GLYATL3: variants seen among roughly 807,000 people sequenced by gnomAD.
GLYATL3 encodes glycine N-acyltransferase-like protein 3.
In GLYATL3, 31 loss-of-function variants were observed where a neutral mutation model predicts 28.5. The ratio of observed to expected loss-of-function variants is 1.09; its 90% CI spans 0.82 to 1.47. The LOEUF (loss-of-function observed/expected upper bound fraction) is 1.47. GLYATL3 is among the 40% of genes most tolerant of loss of function. The pLI is 0.00. For synonymous variants in GLYATL3, 141 were observed against 140.2 expected, an observed-to-expected ratio of 1.01 and a Z score of -0.04; for missense variants, 369 against 351.5, an observed-to-expected ratio of 1.05 and a Z score of -0.40.
At chr6:49,501,798 A>G (rs1404772034) in intron 1 of GLYATL3, among the ~76,000 whole-genome samples, 2 of 152,212 alleles carry the variant, frequency 1.3e-5, no homozygotes, top group Non-Finnish European at 2.9e-5. Flanking sequence ...CTGTGGCAAG[A>G]TGAGCGTGTT....
chr6:49,500,201 G>A (rs561531941), intron 1 of GLYATL3, among the ~76,000 whole-genome samples, 159 bp downstream of exon 1: 34 of 152,112 alleles, frequency 2.2e-4, no homozygotes, highest in East Asian at 1.5e-3. Flanking sequence ...GTTTCTTGGC[G>A]TGTTTTTGTT....
chr6:49,524,498 AGTTTT>A (rs1769368212), intron 5 of GLYATL3, among the ~76,000 whole-genome samples: 1 of 152,170 alleles, frequency 6.6e-6, no homozygotes, highest in Non-Finnish European at 1.5e-5. Context: ...AATCCATTTC[AGTTTT>A]GAGAAATTGC....
intron 1 of GLYATL3, among the ~76,000 whole-genome samples, chr6:49,511,628 C>T (rs1769124187): frequency 6.6e-6 from 1 of 152,178 alleles, no homozygotes; most frequent in Non-Finnish European, 1.5e-5. Context: ...TTATAGGTTA[C>T]TCAGGATGGA....
At chr6:49,517,096 C>T (rs1242881331) in intron 3 of GLYATL3, among the ~76,000 whole-genome samples, 12 of 149,054 alleles carry the variant, frequency 8.1e-5, no homozygotes, top group African/African-American at 2.5e-4. Context: ...CTGCAATCTC[C>T]GCCTCCCCAG....
At chr6:49,508,245 G>A (rs558750353) in intron 1 of GLYATL3, among the ~76,000 whole-genome samples, 14 of 152,164 alleles carry the variant, frequency 9.2e-5, no homozygotes, top group Admixed American at 3.3e-4. Context: ...GCACTGAGCC[G>A]AGATCGCACC....
chr6:49,502,249 C>T (rs1303505544), intron 1 of GLYATL3, among the ~76,000 whole-genome samples: 1 of 152,112 alleles, frequency 6.6e-6, no homozygotes, highest in African/African-American at 2.4e-5. Context: ...ACAAATTATA[C>T]ATAGAACAAA....
At chr6:49,519,335 C>T (rs1769275793) in intron 4 of GLYATL3, among the ~76,000 whole-genome samples, 2 of 152,162 alleles carry the variant, frequency 1.3e-5, no homozygotes, top group African/African-American at 4.8e-5. Flanking sequence ...TTGGTGGGGA[C>T]AAATGTGAAT....
At chr6:49,524,351 C>T (rs934242798) in intron 5 of GLYATL3, among the ~76,000 whole-genome samples, 2 of 152,132 alleles carry the variant, frequency 1.3e-5, no homozygotes, top group Non-Finnish European at 2.9e-5. Context: ...AAAGAAAACA[C>T]AAATTTTTAC....
chr6:49,526,492 G>A lies in GLYATL3; in HGVS notation c.445G>A (p.Gly149Arg). 1 of 1,551,046 alleles carries A rather than the reference G, an allele frequency of 6.4e-7. No homozygotes were observed. Among genetic ancestry groups the A allele is most frequent in the Non-Finnish European group, 8.7e-7 (1 of 1,146,566 alleles). ...SSLPDTSFLK[G>R]PSPRLTYLSV... ...TTTTGTGTCATTCTGGTCTAGCAAG[G>A]GGCCTTCCCCACGACTAACCTACCT... Residue 149 changes from glycine to arginine, a missense_variant, in exon 6 of 6, where the codon GGG becomes AGG. Gly to Arg is a moderately radical substitution (Grantham distance 125). Coordinates refer to ENST00000371197, the MANE Select transcript of GLYATL3 (RefSeq NM_001010904.2).
chr6:49,509,971 T>A (rs1196029611), intron 1 of GLYATL3, among the ~76,000 whole-genome samples: 1 of 147,906 alleles, frequency 6.8e-6, no homozygotes, highest in Non-Finnish European at 1.5e-5. Context: ...TCTTTCTTTC[T>A]TTCTTTCTTT....
intron 1 of GLYATL3, among the ~76,000 whole-genome samples, chr6:49,501,211 C>T (rs967798955): frequency 1.3e-5 from 2 of 151,966 alleles, no homozygotes. Context: ...ATCAGCCTAG[C>T]CAACATGGTG....
intron 1 of GLYATL3, among the ~76,000 whole-genome samples, chr6:49,505,668 T>C (rs1192853141): frequency 6.6e-6 from 1 of 152,186 alleles, no homozygotes; most frequent in Non-Finnish European, 1.5e-5. Context: ...AAAAGGCATT[T>C]TAAACTTCAT....
intron 1 of GLYATL3, among the ~76,000 whole-genome samples, chr6:49,501,265 C>T (rs950797953): frequency 3.3e-5 from 5 of 152,130 alleles, no homozygotes; most frequent in East Asian, 1.9e-4. Flanking sequence ...ACTAGCCAGG[C>T]GTTGGTGGTG....
chr6:49,508,389 G>T (rs958987317), intron 1 of GLYATL3, among the ~76,000 whole-genome samples: 2 of 152,220 alleles, frequency 1.3e-5, no homozygotes, highest in African/African-American at 2.4e-5. Context: ...AGCAGTAACA[G>T]TTGAAGCAAA....
intron 5 of GLYATL3, among the ~76,000 whole-genome samples, chr6:49,524,968 CAAAA>C (rs911424000): frequency 1.1e-4 from 5 of 43,690 alleles, no homozygotes; most frequent in African/African-American, 2.4e-4. Context: ...GACTCCCTCT[CAAAA>C]AAAAAAAAAA....
At chr6:49,514,139 ACTTTTGACGTCACTC>A (rs1404836074) in intron 2 of GLYATL3, among the ~76,000 whole-genome samples, 1 of 152,148 alleles carries the variant, frequency 6.6e-6, no homozygotes, top group African/African-American at 2.4e-5. Flanking sequence ...AAAGAAAATT[ACTTTTGACGTCACTC>A]CTTCCCACCT....
chr6:49,513,705 A>G (rs988123730), intron 2 of GLYATL3, among the ~76,000 whole-genome samples: 1 of 152,186 alleles, frequency 6.6e-6, no homozygotes, highest in Non-Finnish European at 1.5e-5. Flanking sequence ...GCCGAACCCA[A>G]TTTGGAAAGA....
At chr6:49,515,396 G>A (rs1293050189) in intron 2 of GLYATL3, among the ~76,000 whole-genome samples, 2 of 152,080 alleles carry the variant, frequency 1.3e-5, no homozygotes, top group African/African-American at 2.4e-5. Context: ...ACCTCTCACT[G>A]CTATCCTATA....
At chr6:49,523,010 G>A (rs1451409585) in intron 5 of GLYATL3, among the ~76,000 whole-genome samples, 3 of 151,562 alleles carry the variant, frequency 2.0e-5, no homozygotes, top group South Asian at 2.1e-4. Flanking sequence ...CCCACTATAC[G>A]GATATTACTC....
Sources: allele counts gnomAD v4.1 joint callset (sites outside exome capture counted in the v4.1 genomes callset), GRCh38; gene constraint gnomAD v4.1.1; transcripts MANE v1.5; gene names NCBI Gene and HGNC (gene_info 2026-07-23, HGNC 2026-07-21).